The following BRINP3 variants were observed in gnomAD, a reference collection of about 807,000 sequenced individuals.
The protein encoded by BRINP3 is BMP/retinoic acid-inducible neural-specific protein 3.
In BRINP3, 19 loss-of-function variants were observed where a neutral mutation model predicts 71.0. That is an observed-to-expected ratio of 0.27 (90% CI 0.19 to 0.39). The LOEUF (loss-of-function observed/expected upper bound fraction) is 0.39, where lower values mean the gene tolerates loss of function less well. BRINP3 is among the 10% of genes least tolerant of loss of function. The probability of loss-of-function intolerance (pLI) is 1.00; values close to 1 mark genes in which losing one functional copy is unlikely to be tolerated. For synonymous variants in BRINP3, 380 were observed against 337.7 expected, an observed-to-expected ratio of 1.13 and a Z score of -1.37; for missense variants, 959 against 940.8, an observed-to-expected ratio of 1.02 and a Z score of -0.25.
At position 190,098,401 on chromosome 1, in the gene BRINP3, C is replaced by G; in HGVS notation, c.1918G>C (p.Gly640Arg). Residue 640 changes from glycine (G) to arginine (R), a missense_variant, in exon 8 of 8, where the codon GGT becomes CGT. Transcript: ENST00000367462. ...RSRIKSNGPN[G>R]NESIYYEPLE... The stretch of plus-strand genomic sequence containing the variant: ...GGTTCATAGTAAATGCTCTCATTAC[C>G]ATTGGGACCATTGGACTTGATGCGA... 1 of 1,614,134 alleles carries G rather than the reference C, an allele frequency of 6.2e-7. No homozygotes were observed. Among genetic ancestry groups the G allele is most frequent in the South Asian group, 1.1e-5 (1 of 91,078 alleles).
At chr1:190,373,347 G>A (rs567637911) in intron 2 of BRINP3, among the ~76,000 whole-genome samples, 102 of 151,764 alleles carry the variant, frequency 6.7e-4, no homozygotes, top group African/African-American at 2.4e-3. Flanking sequence ...CCGAGATAGC[G>A]CCATTTCACT....
chr1:190,401,380 A>AC (rs1321799405), intron 2 of BRINP3, among the ~76,000 whole-genome samples: 4 of 150,038 alleles, frequency 2.7e-5, no homozygotes, highest in East Asian at 1.9e-4. Flanking sequence ...TCAAAACAAA[A>AC]AAAAAAAAAA....
At chr1:190,441,105 T>C (rs1330833179) in intron 2 of BRINP3, among the ~76,000 whole-genome samples, 1 of 151,914 alleles carries the variant, frequency 6.6e-6, no homozygotes, top group African/African-American at 2.4e-5. Context: ...ATGGCAACAT[T>C]TGACTTGGTC....
At chr1:190,442,355 A>G (rs1674881883) in intron 2 of BRINP3, among the ~76,000 whole-genome samples, 1 of 152,174 alleles carries the variant, frequency 6.6e-6, no homozygotes, top group South Asian at 2.1e-4. Flanking sequence ...AGATTTTGCT[A>G]ATTTTTTAAG....
At chr1:190,416,376 C>T (rs990020650) in intron 2 of BRINP3, among the ~76,000 whole-genome samples, 3 of 152,058 alleles carry the variant, frequency 2.0e-5, no homozygotes, top group Non-Finnish European at 4.4e-5. Flanking sequence ...GACCCCCTTG[C>T]CACCACTTGC....
At position 190,468,120 on chromosome 1, in the gene BRINP3, TTGTC is replaced by T. The variant is rs541823681; in HGVS notation, c.-51+9324_-51+9327del. On this transcript the variant is annotated intron_variant, in intron 1 of 7. Coordinates refer to ENST00000367462, the MANE Select transcript of BRINP3 (RefSeq NM_199051.3). The stretch of plus-strand genomic sequence containing the variant: ...ATACATTTTAATTAATAGTTAATAA[TTGTC>T]TGGTTTCAGATCTTGAGCAAATTGT... Among the ~76,000 whole-genome samples, 143 of 151,452 alleles carry T rather than the reference TTGTC, an allele frequency of 9.4e-4. 2 individuals carry two copies. The highest frequency in any genetic ancestry group is 3.0e-3 in the African/African-American group (125 of 41,484).
At chr1:190,267,573 G>A (rs1228076567) in intron 3 of BRINP3, among the ~76,000 whole-genome samples, 1 of 151,648 alleles carries the variant, frequency 6.6e-6, no homozygotes, top group Non-Finnish European at 1.5e-5. Flanking sequence ...TAAATACAAA[G>A]GTAAAAGCAG....
chr1:190,473,606 A>T lies in BRINP3; in HGVS notation c.-51+3842T>A, dbSNP rs1677294241. On this transcript the variant is annotated intron_variant, in intron 1 of 7. Transcript: ENST00000367462. The stretch of plus-strand genomic sequence containing the variant: ...CTCCTTCAACATGTTAGCAAAAAAT[A>T]ACAAAACAATATCAATAATAATAAC... Among the ~76,000 whole-genome samples, 6 of 151,096 alleles carry T rather than the reference A, an allele frequency of 4.0e-5. No homozygotes were observed. In the South Asian group the frequency reaches 1.0e-3, roughly 26 times the overall value.
chr1:190,235,804 A>AT (rs1431580181), intron 4 of BRINP3, among the ~76,000 whole-genome samples: 3 of 151,800 alleles, frequency 2.0e-5, no homozygotes, highest in Non-Finnish European at 2.9e-5. Context: ...CTCTTCCAAC[A>AT]TTTTTTTCTT....
chr1:190,161,181 T>A (rs1218684007), intron 6 of BRINP3, among the ~76,000 whole-genome samples: 1 of 152,074 alleles, frequency 6.6e-6, no homozygotes, highest in Non-Finnish European at 1.5e-5. Flanking sequence ...AAGTTTAACT[T>A]AATTTTTCTG....
intron 7 of BRINP3, among the ~76,000 whole-genome samples, chr1:190,124,990 G>A (rs1157995651): frequency 2.6e-5 from 4 of 152,076 alleles, no homozygotes; most frequent in Non-Finnish European, 4.4e-5. Context: ...AGAGAATCAT[G>A]GAAATTAAAG....
chr1:190,422,755 G>A (rs760338168), intron 2 of BRINP3, among the ~76,000 whole-genome samples: 4 of 151,772 alleles, frequency 2.6e-5, no homozygotes, highest in Non-Finnish European at 4.4e-5. Context: ...AACCTCATTC[G>A]AAAACTAGAG....
intron 7 of BRINP3, among the ~76,000 whole-genome samples, chr1:190,107,749 C>T (rs1315973749): frequency 6.6e-6 from 1 of 151,952 alleles, no homozygotes; most frequent in Non-Finnish European, 1.5e-5. Flanking sequence ...CCCAACCCCT[C>T]CAAACAAAAT....
chr1:190,398,974 T>C (rs975372939), intron 2 of BRINP3, among the ~76,000 whole-genome samples: 16 of 152,088 alleles, frequency 1.1e-4, no homozygotes, highest in Admixed American at 8.5e-4. Context: ...TAAAGAGTGG[T>C]CATATGTCCA....
At chr1:190,206,482 A>C (rs1655510765) in intron 6 of BRINP3, among the ~76,000 whole-genome samples, 1 of 146,506 alleles carries the variant, frequency 6.8e-6, no homozygotes, top group Non-Finnish European at 1.5e-5. Context: ...TTAAGTTAGA[A>C]AAAAAACGTG....
intron 2 of BRINP3, among the ~76,000 whole-genome samples, chr1:190,308,506 G>C (rs371338990): frequency 1.4e-5 from 2 of 145,124 alleles, no homozygotes; most frequent in Non-Finnish European, 3.2e-5. Context: ...GTGGGGGAAG[G>C]GGGGAGGGAT....
intron 6 of BRINP3, among the ~76,000 whole-genome samples, chr1:190,165,460 T>TTTGTG (rs1257574059): frequency 9.5e-5 from 9 of 95,238 alleles, no homozygotes; most frequent in African/African-American, 2.2e-4. Context: ...TTTTTTTTTT[T>TTTGTG]TGTGTGTGTG....
At chr1:190,416,998 T>C (rs1224173453) in intron 2 of BRINP3, among the ~76,000 whole-genome samples, 1 of 152,170 alleles carries the variant, frequency 6.6e-6, no homozygotes. Context: ...ATTAAATACA[T>C]GGTTTATTTG....
At chr1:190,409,140 G>C (rs920171013) in intron 2 of BRINP3, among the ~76,000 whole-genome samples, 1 of 152,038 alleles carries the variant, frequency 6.6e-6, no homozygotes, top group Admixed American at 6.6e-5. Flanking sequence ...GGTGGCTCTC[G>C]CCTGTAATCC....
Sources: allele counts gnomAD v4.1 joint callset (sites outside exome capture counted in the v4.1 genomes callset), GRCh38; gene constraint gnomAD v4.1.1; transcripts MANE v1.5; gene names NCBI Gene and HGNC (gene_info 2026-07-23, HGNC 2026-07-21).